Variants in ANO10 observed in about 807,000 individuals in gnomAD.
ANO10 encodes the protein anoctamin 10.
In ANO10, 77 loss-of-function variants were observed where a neutral mutation model predicts 74.7. The observed-to-expected ratio is 1.03, with a 90% CI of 0.86 to 1.25. ANO10 has a LOEUF of 1.25. ANO10 is among the 50% of genes most tolerant of loss of function. The probability of loss-of-function intolerance (pLI) is 0.00; values close to 1 mark genes in which losing one functional copy is unlikely to be tolerated. For synonymous variants in ANO10, 279 were observed against 284.9 expected, an observed-to-expected ratio of 0.98 and a Z score of 0.21; for missense variants, 721 against 778.1, an observed-to-expected ratio of 0.93 and a Z score of 0.87.
At chr3:43,416,677 A>G (rs2092743609) in intron 12 of ANO10, among the ~76,000 whole-genome samples, 1 of 152,208 alleles carries the variant, frequency 6.6e-6, no homozygotes, top group Non-Finnish European at 1.5e-5. Context: ...TGGAATTACC[A>G]AGGACATCTG....
chr3:43,538,993 T>A (rs1227262575), intron 11 of ANO10, among the ~76,000 whole-genome samples: 1 of 152,230 alleles, frequency 6.6e-6, no homozygotes, highest in Non-Finnish European at 1.5e-5. Flanking sequence ...AAGTGTTTTT[T>A]AAAATACCAT....
Position 43,396,938 on chromosome 3 carries a change from T to A in ANO10, c.1915-29964A>T, listed in dbSNP as rs139299488. Among the ~76,000 whole-genome samples, 807 of 152,210 alleles carry A rather than the reference T, an allele frequency of 5.3e-3. 24 individuals carry two copies. The highest frequency in any genetic ancestry group is 0.041 in the Admixed American group (624 of 15,280). On this transcript the variant is annotated intron_variant, in intron 12 of 12. Coordinates refer to ENST00000292246, the MANE Select transcript of ANO10 (RefSeq NM_018075.5). ...TTTTTGTCTCAGGCATTGTAGTTTT[T>A]TTTTTTTTGAGATGGAGTTTCGCTC...
At chr3:43,560,479 T>C (rs750856119) in intron 9 of ANO10, among the ~76,000 whole-genome samples, 1 of 152,074 alleles carries the variant, frequency 6.6e-6, no homozygotes, top group African/African-American at 2.4e-5. Flanking sequence ...CTATGAAAGT[T>C]TCACAATAAT....
chr3:43,655,040 T>A (rs755413466), intron 1 of ANO10, among the ~76,000 whole-genome samples: 2 of 152,222 alleles, frequency 1.3e-5, no homozygotes, highest in Non-Finnish European at 2.9e-5. Context: ...GATCACAGAC[T>A]CTGTAATACT....
chr3:43,373,468 C>T (rs2091690203), intron 12 of ANO10, among the ~76,000 whole-genome samples: 2 of 151,174 alleles, frequency 1.3e-5, no homozygotes, highest in Non-Finnish European at 3.0e-5. Flanking sequence ...CATGAGCTAA[C>T]CGTGGGGTGG....
chr3:43,387,070 G>A (rs951582996), intron 12 of ANO10, among the ~76,000 whole-genome samples: 1 of 152,154 alleles, frequency 6.6e-6, no homozygotes, highest in Non-Finnish European at 1.5e-5. Context: ...TTGTTGCACT[G>A]TCAACATCAC....
At chr3:43,513,028 A>T (rs1441549607) in intron 11 of ANO10, among the ~76,000 whole-genome samples, 1 of 152,232 alleles carries the variant, frequency 6.6e-6, no homozygotes, top group African/African-American at 2.4e-5. Flanking sequence ...GGAAAACAAA[A>T]GAAGACAGAG....
rs1012645242 is a variant in ANO10, at chr3:43,610,046, T to C, written c.-11-4183A>G. Among the ~76,000 whole-genome samples, 11 of 152,208 alleles carry C rather than the reference T, an allele frequency of 7.2e-5. No individual in the cohort carries two copies. The East Asian group carries it at 1.3e-3, about 19-fold the overall frequency. On this transcript the variant is annotated intron_variant, in intron 1 of 12. Transcript: ENST00000292246. ...TAAACTTTTTGATTTTTTTGACTTC[T>C]GTAATAACACAGTAAGATACAAACA...
upstream of ANO10, among the ~76,000 whole-genome samples, chr3:43,622,715 C>T (rs1470721079): frequency 6.6e-6 from 1 of 152,142 alleles, no homozygotes; most frequent in East Asian, 1.9e-4. Flanking sequence ...GCTTGGCTCA[C>T]TTCCTCACCT....
intron 11 of ANO10, among the ~76,000 whole-genome samples, chr3:43,471,068 T>C (rs568063419): frequency 6.6e-6 from 1 of 152,220 alleles, no homozygotes; most frequent in Non-Finnish European, 1.5e-5. Context: ...AGTCTGGTTG[T>C]AGAATAATTT....
At chr3:43,616,410 A>T (rs902892714) in intron 1 of ANO10, among the ~76,000 whole-genome samples, 1 of 152,188 alleles carries the variant, frequency 6.6e-6, no homozygotes, top group Non-Finnish European at 1.5e-5. Flanking sequence ...AGCCCATATT[A>T]TGCCCTCATC....
chr3:43,530,958 C>G (rs552001903), intron 11 of ANO10, among the ~76,000 whole-genome samples: 2 of 152,068 alleles, frequency 1.3e-5, no homozygotes, highest in Non-Finnish European at 2.9e-5. Flanking sequence ...TGGGCACACA[C>G]AGAATATTCA....
At chr3:43,614,775 A>C (rs1490415227) in intron 1 of ANO10, among the ~76,000 whole-genome samples, 2 of 101,184 alleles carry the variant, frequency 2.0e-5, no homozygotes, top group East Asian at 6.1e-4. Flanking sequence ...ACTAAACTAT[A>C]TATATATATA....
chr3:43,483,718 A>G (rs2076358639), intron 11 of ANO10, among the ~76,000 whole-genome samples: 1 of 152,184 alleles, frequency 6.6e-6, no homozygotes, highest in South Asian at 2.1e-4. Context: ...GGTTTTATAC[A>G]TTTTAGGGAG....
intron 11 of ANO10, chr3:43,484,990 C>T: frequency 6.9e-7 from 1 of 1,441,058 alleles, no homozygotes; most frequent in Non-Finnish European, 9.5e-7. Flanking sequence ...AGGTGTTGGG[C>T]CTCTTGGTGG....
chr3:43,513,085 A>G (rs2077571504), intron 11 of ANO10, among the ~76,000 whole-genome samples: 1 of 152,214 alleles, frequency 6.6e-6, no homozygotes, highest in Non-Finnish European at 1.5e-5. Context: ...GATCTCCCTC[A>G]AGTTTTCAGT....
At chr3:43,506,108 C>T (rs1409579867) in intron 11 of ANO10, among the ~76,000 whole-genome samples, 1 of 152,102 alleles carries the variant, frequency 6.6e-6, no homozygotes, top group African/African-American at 2.4e-5. Context: ...TAATCCTCAC[C>T]TTTAAAATAA....
chr3:43,577,347 T>A, intron 5 of ANO10, 86 bp from the exon 6 acceptor site: 1 of 1,330,700 alleles, frequency 7.5e-7, no homozygotes. Flanking sequence ...CATTTTTTAG[T>A]TAAGTGGGGA....
chr3:43,626,603 G>A (rs1329918493), upstream of ANO10, among the ~76,000 whole-genome samples: 1 of 152,106 alleles, frequency 6.6e-6, no homozygotes, highest in African/African-American at 2.4e-5. Context: ...GCCCAGCCAT[G>A]TTCTTTACTT....
Sources: gnomAD v4.1 joint callset for allele counts (sites outside exome capture counted in the v4.1 genomes callset) on GRCh38, gnomAD v4.1.1 for gene constraint, MANE v1.5 for transcripts, NCBI Gene and HGNC (gene_info 2026-07-23, HGNC 2026-07-21) for gene names.